Variants in UFD1 observed in about 807,000 individuals in gnomAD.
The protein encoded by UFD1 is ubiquitin recognition factor in ER associated degradation 1, also known as ubiquitin recognition factor in ER-associated degradation protein 1.
UFD1 carries 13 observed loss-of-function variants against 45.9 expected under a neutral mutation model. The observed-to-expected ratio is 0.28, with a 90% CI of 0.18 to 0.45. The LOEUF (loss-of-function observed/expected upper bound fraction) is 0.45. UFD1 is among the 20% of genes least tolerant of loss of function. UFD1 has a pLI of 1.00. For synonymous variants in UFD1, 128 were observed against 139.2 expected (o/e 0.92, Z 0.56); for missense variants, 218 against 389.2 (o/e 0.56, Z 3.70).
At chr22:19,478,714 T>C in intron 1 of UFD1, 1 of 178,846 alleles carries the variant, frequency 5.6e-6, no homozygotes, top group South Asian at 5.3e-5. Flanking sequence ...GGATTCTCCC[T>C]GGGGAGCGCC....
chr22:19,465,145 T>C, intron 6 of UFD1, 57 bp downstream of exon 6: 2 of 1,522,104 alleles, frequency 1.3e-6, no homozygotes, highest in Non-Finnish European at 1.8e-6. Flanking sequence ...ATTCAAACAT[T>C]AGAATGGACA....
intron 4 of UFD1, chr22:19,470,850 C>G: frequency 2.2e-6 from 1 of 458,264 alleles, no homozygotes; most frequent in Non-Finnish European, 4.4e-6. Flanking sequence ...GGCTGTGCTT[C>G]AGACCACCTC....
intron 6 of UFD1, among the ~76,000 whole-genome samples, chr22:19,461,397 A>G (rs1322515345): frequency 6.6e-6 from 1 of 152,196 alleles, no homozygotes; most frequent in Admixed American, 6.5e-5. Context: ...GTGGACCAAG[A>G]TTCTTTGTAT....
intron 11 of UFD1, chr22:19,451,918 G>A (rs5748211): frequency 0.026 from 25,521 of 985,238 alleles, 612 homozygotes; most frequent in East Asian, 0.11. Context: ...TGTTAGTGGG[G>A]GCTCCTTATT....
chr22:19,456,727 C>T (rs939157521), intron 8 of UFD1, 93 bp from the exon 9 acceptor site: 7 of 1,613,442 alleles, frequency 4.3e-6, no homozygotes, highest in Admixed American at 3.3e-5. Context: ...CCCCCGGAAG[C>T]ATGGCTGGAA....
At chr22:19,470,157 T>C (rs1436328699) in intron 4 of UFD1, 3 of 444,834 alleles carry the variant, frequency 6.7e-6, no homozygotes, top group African/African-American at 6.0e-5. Context: ...GAGCAGCAAA[T>C]ACTGGGGAGG....
chr22:19,467,959 C>T lies in UFD1; in HGVS notation c.336G>A (p.Val112=), dbSNP rs759982062. 4 of 1,614,040 alleles carry T rather than the reference C, an allele frequency of 2.5e-6. No homozygotes were observed. The African/African-American group carries it at 4.0e-5, about 16-fold the overall frequency. The part of the protein sequence containing the change: ...LLLEEGGLVQ[V]ESVNLQVATY... ...TGGCCACTTGAAGGTTGACGCTCTC[C>T]ACCTGGACCAGGCCGCCTTCTTCCA... Residue 112 remains valine (V), a synonymous_variant, in exon 5 of 12, where the codon GTG becomes GTA. Coordinates refer to ENST00000263202, the MANE Select transcript of UFD1 (RefSeq NM_005659.7).
At chr22:19,471,869 C>T (rs976805831) in intron 3 of UFD1, 61 bp from the exon 4 acceptor site, 95 of 1,567,228 alleles carry the variant, frequency 6.1e-5, no homozygotes, top group African/African-American at 1.2e-4. Flanking sequence ...GTTCGGCCCA[C>T]GCCTTCCCAT....
In UFD1 at chr22:19,467,885, T is replaced by C; in HGVS notation, c.410A>G (p.Asn137Ser). The change falls in exon 5 of 12, where the codon AAC becomes AGC. Residue 137 changes from asparagine to serine, a missense_variant. This residue lies in a region of UFD1 where 149 missense variants were observed against 307.5 expected (regional missense o/e 0.48). Transcript: ENST00000263202. The stretch of plus-strand genomic sequence containing the variant: ...TTGAAAAAGATACACGGCTTTGGGG[T>C]TGGTGATGTCCAGGAAGTCAGGGCT... The part of the protein sequence containing the change: ...PQSPDFLDIT[N>S]PKAVLENALR... 6.2e-7 allele frequency: 1 copy of C among 1,614,020 alleles called. No individual in the cohort carries two copies. The highest frequency in any genetic ancestry group is 8.5e-7 in the Non-Finnish European group (1 of 1,179,986).
Position 19,479,118 on chromosome 22 carries a change from C to A in UFD1, c.-33G>T. 3.1e-6 allele frequency: 5 copies of A among 1,610,140 alleles called. No individual in the cohort carries two copies. Among genetic ancestry groups the A allele is most frequent in the Non-Finnish European group, 4.2e-6 (5 of 1,178,790 alleles). On this transcript the variant is annotated 5_prime_UTR_variant, in exon 1 of 12. Transcript: ENST00000263202. Reference sequence around the variant, plus strand: ...ACCACCTGGCAGACTCCGCTCCTCTCAGGCAATGCAACGAAGAAACCCCGC... The same window carrying A: ...ACCACCTGGCAGACTCCGCTCCTCTAAGGCAATGCAACGAAGAAACCCCGC...
chr22:19,453,605 A>G (rs1016308911), intron 11 of UFD1: 4 of 985,416 alleles, frequency 4.1e-6, no homozygotes, highest in African/African-American at 3.5e-5. Context: ...TGCCTGAAGG[A>G]GGAGCTGGAG....
At chr22:19,470,013 T>TG in intron 4 of UFD1, 1 of 518,594 alleles carries the variant, frequency 1.9e-6, no homozygotes, top group South Asian at 1.4e-5. Flanking sequence ...CAGAAGGGAC[T>TG]GGGGAAGTAG....
At chr22:19,462,419 AC>A (rs2089774342) in intron 6 of UFD1, among the ~76,000 whole-genome samples, 1 of 152,210 alleles carries the variant, frequency 6.6e-6, no homozygotes, top group South Asian at 2.1e-4. Context: ...TAATCCCAGC[AC>A]TTTGGGAGGC....
intron 1 of UFD1, among the ~76,000 whole-genome samples, 198 bp from the exon 2 acceptor site, chr22:19,475,800 T>C (rs1415205146): frequency 6.6e-6 from 1 of 152,150 alleles, no homozygotes; most frequent in Non-Finnish European, 1.5e-5. Context: ...TATGCTCCCA[T>C]CTTCATCCTC....
chr22:19,470,115 C>A (rs1395687624), intron 4 of UFD1: 1 of 470,246 alleles, frequency 2.1e-6, no homozygotes, highest in Non-Finnish European at 4.3e-6. Context: ...CTTGGGGGCA[C>A]CTGCAGACAA....
intron 11 of UFD1, chr22:19,453,373 A>G (rs1004300938): frequency 4.1e-6 from 4 of 985,458 alleles, no homozygotes; most frequent in Non-Finnish European, 4.8e-6. Context: ...GATGGAATAG[A>G]GCTAAATATG....
chr22:19,461,499 G>A (rs112394464), intron 6 of UFD1, among the ~76,000 whole-genome samples: 51 of 152,254 alleles, frequency 3.3e-4, no homozygotes, highest in African/African-American at 1.0e-3. Flanking sequence ...CTCAGCTGCC[G>A]TATAGAATCT....
intron 4 of UFD1, 83 bp from the exon 5 acceptor site, chr22:19,468,086 C>A: frequency 1.9e-6 from 3 of 1,542,654 alleles, no homozygotes; most frequent in Non-Finnish European, 1.7e-6. Context: ...TGGGCAGGCC[C>A]GTCTTACTTG....
chr22:19,450,818 C>CA (rs2089675126), intron 11 of UFD1, 74 bp from the exon 12 acceptor site: 1 of 1,608,372 alleles, frequency 6.2e-7, no homozygotes, highest in Admixed American at 1.7e-5. Context: ...TCTATGGACT[C>CA]ACGTACCATC....
Sources: allele counts gnomAD v4.1 joint callset (sites outside exome capture counted in the v4.1 genomes callset), GRCh38; gene constraint gnomAD v4.1.1; regional missense constraint gnomAD v4.1.1; transcripts MANE v1.5; gene names NCBI Gene and HGNC (gene_info 2026-07-23, HGNC 2026-07-21).